The following BTBD7 variants were observed in gnomAD, a reference collection of about 807,000 sequenced individuals.
The protein encoded by BTBD7 is BTB domain containing 7.
A neutral mutation model predicts 99.9 loss-of-function variants in BTBD7; 38 were observed. That is an observed-to-expected ratio of 0.38 (90% CI 0.29 to 0.50). The LOEUF is 0.50. Ranked by LOEUF, BTBD7 falls within the 20% of genes least tolerant of loss-of-function variation. The pLI, the probability that BTBD7 is intolerant of heterozygous loss-of-function variation, is 0.93. For synonymous variants in BTBD7, 520 were observed against 511.4 expected (o/e 1.02, Z -0.23); for missense variants, 1,170 against 1,394.6 (o/e 0.84, Z 2.57).
intron 1 of BTBD7, among the ~76,000 whole-genome samples, chr14:93,323,242 GA>G (rs1029706262): frequency 1.3e-5 from 2 of 150,802 alleles, no homozygotes; most frequent in African/African-American, 4.9e-5. Flanking sequence ...AACGCGAATA[GA>G]AAAAAAAAAT....
intron 4 of BTBD7, among the ~76,000 whole-genome samples, chr14:93,263,536 A>G (rs903093239): frequency 1.3e-5 from 2 of 152,134 alleles, no homozygotes; most frequent in Admixed American, 1.3e-4. Context: ...CTACTGCCCC[A>G]ATCTCTTTTT....
rs1351985365 is a variant in BTBD7 at position 93,246,178 on chromosome 14, T to A, written c.2230A>T (p.Met744Leu). Residue 744 changes from methionine to leucine, a missense_variant, in exon 10 of 11, where the codon ATG becomes TTG. Coordinates refer to ENST00000334746, the MANE Select transcript of BTBD7 (RefSeq NM_001002860.4). ...RVNSTPPAET[M>L]FTDLDSFVAF... is the part of the protein sequence containing the mutation. The stretch of plus-strand genomic sequence containing the variant: ...ACAAAAGAGTCCAGATCTGTAAACA[T>A]GGTTTCTGCAGGAGGTGTACTGTTT... 6.2e-7 allele frequency: 1 copy of A among 1,613,638 alleles called. No individual in the cohort carries two copies. The highest frequency in any genetic ancestry group is 2.2e-5 in the East Asian group (1 of 44,886).
intron 1 of BTBD7, among the ~76,000 whole-genome samples, chr14:93,303,736 C>T (rs1437590261): frequency 6.6e-6 from 1 of 152,230 alleles, no homozygotes; most frequent in East Asian, 1.9e-4. Context: ...ACCCTCAGAG[C>T]TCACACTCCA....
intron 1 of BTBD7, among the ~76,000 whole-genome samples, chr14:93,320,176 G>A (rs888967164): frequency 2.0e-5 from 3 of 152,132 alleles, no homozygotes; most frequent in African/African-American, 7.2e-5. Context: ...AGTGTGAGAG[G>A]GAGGGGAAGA....
intron 3 of BTBD7, among the ~76,000 whole-genome samples, chr14:93,272,120 C>A (rs1267528068): frequency 6.6e-6 from 1 of 152,164 alleles, no homozygotes; most frequent in Admixed American, 6.5e-5. Flanking sequence ...AGTTTGAGAC[C>A]AGCCTGACCA....
In BTBD7 at chr14:93,242,105, C is replaced by A; in HGVS notation, c.*168G>T. The A allele has an allele frequency of 5.1e-6, 3 of 584,412 alleles. No homozygotes were observed. The highest frequency in any genetic ancestry group is 8.7e-6 in the Non-Finnish European group (3 of 346,644). 36.2% of individuals were successfully genotyped at this position (584,412 alleles called of 1,614,324 possible). A position where few individuals can be genotyped will look rare whatever the true frequency, so the allele number is the denominator to read the frequency against. ...CAACATTAAAAAAAAAAAACAAAAC[C>A]TTCTTAGCATGCCATGTCTAATAAA... On this transcript the variant is annotated 3_prime_UTR_variant, in exon 11 of 11. Coordinates refer to ENST00000334746, the MANE Select transcript of BTBD7 (RefSeq NM_001002860.4).
chr14:93,251,368 G>A (rs2052365475), intron 8 of BTBD7, 95 bp downstream of exon 8: 4 of 1,256,724 alleles, frequency 3.2e-6, no homozygotes, highest in Admixed American at 2.4e-5. Context: ...GAAATGTGGA[G>A]AGAATTAGCA....
chr14:93,293,788 G>C, intron 3 of BTBD7, 70 bp downstream of exon 3: 4 of 1,515,030 alleles, frequency 2.6e-6, no homozygotes, highest in Non-Finnish European at 2.7e-6. Context: ...AGAATATACT[G>C]GTTGTGTTTT....
chr14:93,258,923 A>AGG (rs999038483), intron 5 of BTBD7, among the ~76,000 whole-genome samples: 8 of 152,354 alleles, frequency 5.3e-5, no homozygotes, highest in African/African-American at 1.7e-4. Flanking sequence ...AACCCTTAAC[A>AGG]GGCAGATGCC....
At chr14:93,276,045 T>C (rs761351359) in intron 3 of BTBD7, among the ~76,000 whole-genome samples, 16 of 151,870 alleles carry the variant, frequency 1.1e-4, no homozygotes, top group Non-Finnish European at 1.5e-4. Context: ...TGAGACCCTG[T>C]CTCTAAAAAC....
chr14:93,329,275 A>G (rs2053370353), intron 1 of BTBD7, among the ~76,000 whole-genome samples: 1 of 152,238 alleles, frequency 6.6e-6, no homozygotes, highest in African/African-American at 2.4e-5. Flanking sequence ...GATGCTTAAC[A>G]TCACCAATCA....
intron 1 of BTBD7, among the ~76,000 whole-genome samples, chr14:93,326,737 G>C (rs1306170694): frequency 6.6e-6 from 1 of 151,504 alleles, no homozygotes; most frequent in Non-Finnish European, 1.5e-5. Context: ...CTGGGAGGCA[G>C]CAGTTGCAGT....
At chr14:93,307,385 G>C (rs1486806875) in intron 1 of BTBD7, among the ~76,000 whole-genome samples, 3 of 152,136 alleles carry the variant, frequency 2.0e-5, no homozygotes, top group African/African-American at 7.2e-5. Flanking sequence ...TGAACTCCTG[G>C]TCTCAAATGA....
chr14:93,312,261 T>G (rs1042799765), intron 1 of BTBD7, among the ~76,000 whole-genome samples: 2 of 152,160 alleles, frequency 1.3e-5, no homozygotes, highest in African/African-American at 4.8e-5. Context: ...ATAATTAAAC[T>G]TTACCTATAG....
At position 93,332,992 on chromosome 14, in the gene BTBD7, G is replaced by A. The variant is rs771650162; in HGVS notation, c.-279C>T. On this transcript the variant is annotated 5_prime_UTR_variant, in exon 1 of 11. Coordinates refer to ENST00000334746, the MANE Select transcript of BTBD7 (RefSeq NM_001002860.4). ...TGTCAGTGGCTCAGGCTCCGGGACT[G>A]CTCCAGGTTCCCCTCGCCGCCATTT... 112 of 560,414 alleles carry A rather than the reference G, an allele frequency of 2.0e-4. No individual in the cohort carries two copies. Among genetic ancestry groups the A allele is most frequent in the Non-Finnish European group, 2.8e-4 (96 of 338,886 alleles). 34.7% of individuals were successfully genotyped at this position (560,414 alleles called of 1,614,324 possible). A position where few individuals can be genotyped will look rare whatever the true frequency, so the allele number is the denominator to read the frequency against.
chr14:93,256,525 T>C (rs879437029), intron 6 of BTBD7: 3 of 152,012 alleles, frequency 2.0e-5, no homozygotes, highest in Non-Finnish European at 4.4e-5. Context: ...TTCAAGCAAT[T>C]CCCCTGCCTC....
chr14:93,258,605 G>C (rs893489003), intron 5 of BTBD7, among the ~76,000 whole-genome samples: 1 of 151,996 alleles, frequency 6.6e-6, no homozygotes, highest in Non-Finnish European at 1.5e-5. Flanking sequence ...TATTTTTTAA[G>C]ATGGAGTCTT....
chr14:93,318,288 G>A (rs1020244242), intron 1 of BTBD7, among the ~76,000 whole-genome samples: 1 of 152,198 alleles, frequency 6.6e-6, no homozygotes, highest in Non-Finnish European at 1.5e-5. Flanking sequence ...ATAAAGATCA[G>A]AATAGCAGTA....
At chr14:93,288,239 C>A (rs897001188) in intron 3 of BTBD7, 2 of 436,522 alleles carry the variant, frequency 4.6e-6, no homozygotes, top group Non-Finnish European at 8.0e-6. Flanking sequence ...ATACTGTCTT[C>A]TCTTCACTTT....
Sources: allele counts gnomAD v4.1 joint callset (sites outside exome capture counted in the v4.1 genomes callset), GRCh38; gene constraint gnomAD v4.1.1; transcripts MANE v1.5; gene names NCBI Gene and HGNC (gene_info 2026-07-23, HGNC 2026-07-21).